The following SCNN1A variants were observed in gnomAD, a reference collection of about 807,000 sequenced individuals.
SCNN1A encodes the protein epithelial sodium channel subunit alpha.
A neutral mutation model predicts 68.6 loss-of-function variants in SCNN1A; 65 were observed. The observed-to-expected ratio is 0.95, with a 90% CI of 0.78 to 1.16. The LOEUF is 1.16. SCNN1A is among the 50% of genes most tolerant of loss of function. The probability of loss-of-function intolerance (pLI) is 0.00; values close to 1 mark genes in which losing one functional copy is unlikely to be tolerated. For synonymous variants in SCNN1A, 357 were observed against 353.3 expected (o/e 1.01, Z -0.12); for missense variants, 880 against 865.9 (o/e 1.02, Z -0.20).
chr12:6,377,267 G>A, upstream of SCNN1A: 1 of 1,550,828 alleles, frequency 6.4e-7, no homozygotes, highest in Non-Finnish European at 8.7e-7. Context: ...TACTGCTCAT[G>A]ATACCTCCCC....
chr12:6,348,805 T>C lies in SCNN1A; in HGVS notation c.1554-3A>G. 1 of 1,613,616 alleles carries C rather than the reference T, an allele frequency of 6.2e-7. No individual in the cohort carries two copies. The highest frequency in any genetic ancestry group is 8.5e-7 in the Non-Finnish European group (1 of 1,179,672). ...TGTTGACTTTGGCCACTCCATTTCT[T>C]AGGTGTGGGGCAGAGGGTGGGAAGA... On this transcript the variant is annotated splice_polypyrimidine_tract_variant and splice_region_variant and intron_variant, in intron 11 of 12. Transcript: ENST00000228916.
Position 6,347,828 on chromosome 12 carries a change from A to G in SCNN1A, c.*45T>C. On this transcript the variant is annotated 3_prime_UTR_variant, in exon 13 of 13. Coordinates refer to ENST00000228916, the MANE Select transcript of SCNN1A (RefSeq NM_001038.6). ...ATCTTGCCAGGGCCAGCACCCTCCC[A>G]CCAGAGGAGCATCTGCCTTGGTGTG... is the stretch of plus-strand genomic sequence containing the variant. 6.5e-7 allele frequency: 1 copy of G among 1,541,696 alleles called. No individual in the cohort carries two copies. Among genetic ancestry groups the G allele is most frequent in the Middle Eastern group, 2.3e-4 (1 of 4,334 alleles).
intron 8 of SCNN1A, 52 bp downstream of exon 8, chr12:6,354,386 T>C (rs1320489978): frequency 2.5e-6 from 3 of 1,210,238 alleles, no homozygotes; most frequent in African/African-American, 3.0e-5. Flanking sequence ...AAAAAGTGCC[T>C]CAGTGAGTAC....
At chr12:6,367,457 C>G (rs1162949607) in intron 2 of SCNN1A, among the ~76,000 whole-genome samples, 1 of 152,164 alleles carries the variant, frequency 6.6e-6, no homozygotes, top group Admixed American at 6.5e-5. Flanking sequence ...TAAAAAGGAA[C>G]TGATACGTGC....
intron 8 of SCNN1A, among the ~76,000 whole-genome samples, chr12:6,352,895 CTG>C (rs1948412157): frequency 6.6e-6 from 1 of 152,266 alleles, no homozygotes; most frequent in Non-Finnish European, 1.5e-5. Flanking sequence ...TTGAGGGCCT[CTG>C]TGTCTCCAGT....
intron 2 of SCNN1A, 135 bp from the exon 3 acceptor site, chr12:6,363,845 G>C (rs1200328556): frequency 3.2e-5 from 26 of 805,612 alleles, no homozygotes; most frequent in Non-Finnish European, 4.6e-5. Context: ...TGGGGTCGTC[G>C]TGGCGCCTCC....
chr12:6,354,706 G>T, intron 7 of SCNN1A, 44 bp downstream of exon 7: 1 of 1,543,156 alleles, frequency 6.5e-7, no homozygotes, highest in Non-Finnish European at 9.0e-7. Flanking sequence ...GCCAGCCAGG[G>T]CAGTGGCTGG....
In SCNN1A at chr12:6,362,168, C is replaced by T. The variant is rs72645111; in HGVS notation, c.758G>A (p.Arg253His). The change falls in exon 4 of 13, where the codon CGC becomes CAC. Residue 253 changes from arginine to histidine, a missense_variant. Physicochemically the swap from Arg to His is conservative, Grantham distance 29. Around this residue, in one of 3 missense-constraint regions of SCNN1A, gnomAD observed 758 missense variants for 721.8 expected, o/e 1.05. Coordinates refer to ENST00000228916, the MANE Select transcript of SCNN1A (RefSeq NM_001038.6). ...CGACAGGATGTTGATGTAGTGGAAGCGGTACCACTCCCTCACCGCATCCAC... is the reference window on the plus strand; with the variant it reads ...CGACAGGATGTTGATGTAGTGGAAGTGGTACCACTCCCTCACCGCATCCAC... ...SGVDAVREWY[R>H]FHYINILSRL... is the part of the protein sequence containing the mutation. 19 of 1,614,120 alleles carry T rather than the reference C, an allele frequency of 1.2e-5. No individual in the cohort carries two copies. In the Admixed American group the frequency reaches 1.3e-4, roughly 11 times the overall value.
intron 4 of SCNN1A, among the ~76,000 whole-genome samples, chr12:6,360,067 G>A (rs1183708885): frequency 6.6e-6 from 1 of 152,160 alleles, no homozygotes; most frequent in Non-Finnish European, 1.5e-5. Context: ...CACCGTGCCC[G>A]GTGAGATATT....
intron 8 of SCNN1A, chr12:6,349,757 C>T (rs1012867849): frequency 2.4e-5 from 6 of 255,124 alleles, no homozygotes; most frequent in Non-Finnish European, 3.9e-5. Flanking sequence ...GACGGAGTTT[C>T]GCTCTGTTGC....
intron 12 of SCNN1A, 78 bp downstream of exon 12, chr12:6,348,649 C>A (rs1401357473): frequency 8.0e-7 from 1 of 1,254,052 alleles, no homozygotes. Context: ...ACAGAGACAA[C>A]CTTTTGGTTT....
rs748362963 is a variant in SCNN1A at position 6,349,345 on chromosome 12, T to C, written c.1421A>G (p.Lys474Arg). 6.2e-7 allele frequency: 1 copy of C among 1,612,910 alleles called. No homozygotes were observed. Among genetic ancestry groups the C allele is most frequent in the South Asian group, 1.1e-5 (1 of 90,910 alleles). Residue 474 changes from lysine to arginine, a missense_variant, in exon 9 of 13, where the codon AAG becomes AGG. Lys to Arg is a conservative substitution (Grantham distance 26). Around this residue, in one of 3 missense-constraint regions of SCNN1A, gnomAD observed 758 missense variants for 721.8 expected, o/e 1.05. Transcript: ENST00000228916. ...CACTAACCTGCATGGCTTCCGGCAC[T>C]TGGTGAAACAGCCCAGGTGGTCTGA... ...FSSDHLGCFT[K>R]CRKPCSVTSY...
intron 2 of SCNN1A, among the ~76,000 whole-genome samples, chr12:6,366,485 C>G (rs866900999): frequency 6.6e-6 from 1 of 152,130 alleles, no homozygotes; most frequent in Non-Finnish European, 1.5e-5. Flanking sequence ...AGGCCGCACC[C>G]GAAACACATT....
At chr12:6,362,798 G>A (rs1178276937) in intron 3 of SCNN1A, among the ~76,000 whole-genome samples, 3 of 150,610 alleles carry the variant, frequency 2.0e-5, no homozygotes, top group Admixed American at 6.6e-5. Flanking sequence ...TCCCATCTCA[G>A]CCTCCTAAGT....
chr12:6,348,927 G>C (rs1565475075), intron 11 of SCNN1A, 23 bp downstream of exon 11: 1 of 1,613,476 alleles, frequency 6.2e-7, no homozygotes, highest in Middle Eastern at 1.6e-4. Context: ...CCTTCTTGTG[G>C]CTGGGACCAG....
At position 6,349,422 on chromosome 12, in the gene SCNN1A, A is replaced by G. The variant is rs1448659071; in HGVS notation, c.1361-17T>C. 2 of 1,556,080 alleles carry G rather than the reference A, an allele frequency of 1.3e-6. No homozygotes were observed. The highest frequency in any genetic ancestry group is 1.7e-6 in the Non-Finnish European group (2 of 1,144,646). ...AGCAGTACCCTGTGGGTACAGAGAGATGCCTGTTCTCCTAGGGCACCTCAG... is the reference window on the plus strand; with the variant it reads ...AGCAGTACCCTGTGGGTACAGAGAGGTGCCTGTTCTCCTAGGGCACCTCAG... On this transcript the variant is annotated splice_polypyrimidine_tract_variant and intron_variant, in intron 8 of 12. Transcript: ENST00000228916.
At chr12:6,373,489 G>C (rs988674358) in intron 2 of SCNN1A, among the ~76,000 whole-genome samples, 2 of 152,186 alleles carry the variant, frequency 1.3e-5, no homozygotes, top group Non-Finnish European at 1.5e-5. Context: ...CATTTTGCCA[G>C]GTGCCTAGCC....
intron 4 of SCNN1A, chr12:6,356,209 A>C (rs72657590): frequency 1.6e-4 from 62 of 397,568 alleles, no homozygotes; most frequent in African/African-American, 1.1e-3. Flanking sequence ...ATCTGGGTTC[A>C]CCGGCATTGA....
chr12:6,348,617 G>C, intron 12 of SCNN1A, 110 bp downstream of exon 12: 1 of 974,010 alleles, frequency 1.0e-6, no homozygotes, highest in Non-Finnish European at 1.6e-6. Context: ...CCCTGCCTTT[G>C]AGACTCAGAG....
Sources: allele counts gnomAD v4.1 joint callset (sites outside exome capture counted in the v4.1 genomes callset), GRCh38; gene constraint gnomAD v4.1.1; regional missense constraint gnomAD v4.1.1; transcripts MANE v1.5; gene names NCBI Gene and HGNC (gene_info 2026-07-23, HGNC 2026-07-21).